The following HS6ST3 variants were observed in gnomAD, a reference collection of about 807,000 sequenced individuals.
HS6ST3 encodes the protein heparan-sulfate 6-O-sulfotransferase 3.
Under a neutral mutation model 36.7 loss-of-function variants are expected in HS6ST3, and 12 were observed. That is an observed-to-expected ratio of 0.33 (90% CI 0.21 to 0.53). The LOEUF is 0.53. Ranked by LOEUF, HS6ST3 falls within the 20% of genes least tolerant of loss-of-function variation. The probability of loss-of-function intolerance (pLI) is 0.95; values close to 1 mark genes in which losing one functional copy is unlikely to be tolerated. For missense variants in HS6ST3, 584 were observed against 640.9 expected (o/e 0.91, Z 0.96); for synonymous variants, 240 against 257.5 (o/e 0.93, Z 0.65).
At chr13:96,294,929 T>C (rs1399516988) in intron 1 of HS6ST3, among the ~76,000 whole-genome samples, 2 of 152,124 alleles carry the variant, frequency 1.3e-5, no homozygotes, top group African/African-American at 2.4e-5. Context: ...TAATCCTTAA[T>C]AGCATTGCTA....
In HS6ST3 at chr13:96,750,057, AC is replaced by A. The variant is rs1876661300; in HGVS notation, c.708-82432del. Among the ~76,000 whole-genome samples the A allele has an allele frequency of 2.0e-5, 3 of 152,222 alleles. No homozygotes were observed. In the South Asian group the frequency reaches 6.2e-4, roughly 31 times the overall value. ...TTTAGTAACCACAGAGATCTTGAAC[AC>A]ACATTTCCATTTATCAATGTTATCA... On this transcript the variant is annotated intron_variant, in intron 1 of 1. Coordinates refer to ENST00000376705, the MANE Select transcript of HS6ST3 (RefSeq NM_153456.4).
At chr13:96,140,840 C>T (rs1328502943) in intron 1 of HS6ST3, among the ~76,000 whole-genome samples, 3 of 152,026 alleles carry the variant, frequency 2.0e-5, no homozygotes, top group African/African-American at 4.8e-5. Flanking sequence ...GAGATCATTA[C>T]GTGACAACTT....
At chr13:96,474,912 G>T (rs983316858) in intron 1 of HS6ST3, among the ~76,000 whole-genome samples, 1 of 152,216 alleles carries the variant, frequency 6.6e-6, no homozygotes, top group African/African-American at 2.4e-5. Flanking sequence ...TAGAAAGTGA[G>T]TGCAGTGCTG....
At chr13:96,790,248 A>G (rs897122397) in intron 1 of HS6ST3, among the ~76,000 whole-genome samples, 1 of 144,118 alleles carries the variant, frequency 6.9e-6, no homozygotes, top group Admixed American at 7.2e-5. Flanking sequence ...TTTTCTCCCA[A>G]TCTGCTGATA....
chr13:96,498,987 C>T lies in HS6ST3; in HGVS notation c.708-333503C>T, dbSNP rs115594538. On this transcript the variant is annotated intron_variant, in intron 1 of 1. Coordinates refer to ENST00000376705, the MANE Select transcript of HS6ST3 (RefSeq NM_153456.4). Reference sequence around the variant, plus strand: ...TTCTATCATTCAGGTCAGTATGCAACATTCGTGACAAAGGGAATTAAACTG... The same window carrying T: ...TTCTATCATTCAGGTCAGTATGCAATATTCGTGACAAAGGGAATTAAACTG... 6.7e-3 allele frequency among the ~76,000 whole-genome samples: 1,012 copies of T among 151,466 alleles called. 12 individuals carry two copies. Among genetic ancestry groups the T allele is most frequent in the African/African-American group, 0.024 (975 of 41,270 alleles).
At chr13:96,552,418 T>C (rs2056222829) in intron 1 of HS6ST3, among the ~76,000 whole-genome samples, 1 of 152,186 alleles carries the variant, frequency 6.6e-6, no homozygotes. Context: ...TTCTGTCTTC[T>C]CTATAGCTGG....
intron 1 of HS6ST3, among the ~76,000 whole-genome samples, chr13:96,197,018 A>T (rs1407712268): frequency 2.0e-5 from 3 of 152,166 alleles, no homozygotes; most frequent in African/African-American, 7.2e-5. Flanking sequence ...TGACCTCTAG[A>T]TGGATCTATG....
chr13:96,136,162 C>T (rs900730184), intron 1 of HS6ST3, among the ~76,000 whole-genome samples: 8 of 152,164 alleles, frequency 5.3e-5, no homozygotes. Flanking sequence ...TTAGAAGTTT[C>T]TGTGATTCTT....
At chr13:96,494,598 G>A (rs1210236934) in intron 1 of HS6ST3, among the ~76,000 whole-genome samples, 1 of 150,496 alleles carries the variant, frequency 6.6e-6, no homozygotes, top group African/African-American at 2.4e-5. Context: ...CTAAAGGGAG[G>A]GTCCAGGAAT....
intron 1 of HS6ST3, among the ~76,000 whole-genome samples, chr13:96,123,377 A>G (rs771867014): frequency 1.6e-4 from 24 of 152,234 alleles, no homozygotes; most frequent in Non-Finnish European, 3.1e-4. Flanking sequence ...TCAACTGATG[A>G]GTAAAAAGTA....
At chr13:96,251,201 G>C (rs1212775129) in intron 1 of HS6ST3, among the ~76,000 whole-genome samples, 1 of 152,156 alleles carries the variant, frequency 6.6e-6, no homozygotes, top group African/African-American at 2.4e-5. Flanking sequence ...CACCAGTGAA[G>C]TCATCTGGTC....
At chr13:96,820,102 G>A (rs1878501381) in intron 1 of HS6ST3, among the ~76,000 whole-genome samples, 1 of 151,782 alleles carries the variant, frequency 6.6e-6, no homozygotes, top group Non-Finnish European at 1.5e-5. Flanking sequence ...AAAGAAAAAT[G>A]CTTGGATATC....
At position 96,706,440 on chromosome 13, in the gene HS6ST3, T is replaced by A. The variant is rs536334997; in HGVS notation, c.708-126050T>A. Among the ~76,000 whole-genome samples the A allele has an allele frequency of 7.0e-3, 957 of 137,420 alleles. 14 individuals are homozygous for A. Among genetic ancestry groups the A allele is most frequent in the African/African-American group, 0.021 (753 of 35,188 alleles). The allele number at this position is 137,420 out of a possible 152,430, so 90.2% of individuals were successfully genotyped here. The stretch of plus-strand genomic sequence containing the variant: ...ATATATATATATATATATATATATA[T>A]AATCAGGGAAAGTAGCGTTTGGTTT... On this transcript the variant is annotated intron_variant, in intron 1 of 1. Transcript: ENST00000376705.
chr13:96,689,692 C>T (rs1351802441), intron 1 of HS6ST3, among the ~76,000 whole-genome samples: 1 of 143,340 alleles, frequency 7.0e-6, no homozygotes, highest in African/African-American at 2.6e-5. Flanking sequence ...AAATGCAGCA[C>T]AAGTTGTGGT....
At chr13:96,153,570 T>C (rs1312641570) in intron 1 of HS6ST3, among the ~76,000 whole-genome samples, 3 of 152,180 alleles carry the variant, frequency 2.0e-5, no homozygotes, top group African/African-American at 7.2e-5. Context: ...TTGGATCAAT[T>C]TCCAGGACAC....
rs1323380319 is a variant in HS6ST3, at chr13:96,091,201, G to A, written c.339G>A (p.Glu113=). The A allele has an allele frequency of 6.4e-7, 1 of 1,560,106 alleles. No homozygotes were observed. Among genetic ancestry groups the A allele is most frequent in the African/African-American group, 1.4e-5 (1 of 73,396 alleles). Residue 113 remains glutamate, a synonymous_variant, in exon 1 of 2, where the codon GAG becomes GAA. Transcript: ENST00000376705. ...EEEEEDEPDP[E]APENGSLPRF... The stretch of plus-strand genomic sequence containing the variant: ...AGGAGGAAGACGAGCCGGACCCCGA[G>A]GCCCCGGAAAACGGCTCCCTGCCCC...
chr13:96,653,305 A>T (rs1202070317), intron 1 of HS6ST3, among the ~76,000 whole-genome samples: 1 of 151,998 alleles, frequency 6.6e-6, no homozygotes, highest in East Asian at 1.9e-4. Context: ...GATTTGTTGC[A>T]CTTATCAACC....
chr13:96,222,921 G>A (rs2054462950), intron 1 of HS6ST3, among the ~76,000 whole-genome samples: 1 of 152,202 alleles, frequency 6.6e-6, no homozygotes, highest in East Asian at 1.9e-4. Context: ...TTTCAGTGGG[G>A]TTTGTGGATA....
intron 1 of HS6ST3, among the ~76,000 whole-genome samples, chr13:96,702,977 T>A (rs975068819): frequency 2.0e-5 from 3 of 152,242 alleles, no homozygotes; most frequent in African/African-American, 7.2e-5. Flanking sequence ...TCTATAACTT[T>A]GGGCTAGCCC....
Sources: allele counts gnomAD v4.1 joint callset (sites outside exome capture counted in the v4.1 genomes callset), GRCh38; gene constraint gnomAD v4.1.1; transcripts MANE v1.5; gene names NCBI Gene and HGNC (gene_info 2026-07-23, HGNC 2026-07-21).